The following NBAS variants were observed in gnomAD, a reference collection of about 807,000 sequenced individuals.
The protein encoded by NBAS is NBAS subunit of NRZ tethering complex.
NBAS carries 219 observed loss-of-function variants against 302.5 expected under a neutral mutation model. That is an observed-to-expected ratio of 0.72 (90% CI 0.65 to 0.81). NBAS has a LOEUF of 0.81. Ranked by LOEUF, NBAS falls within the 30% of genes least tolerant of loss-of-function variation. The pLI is 0.00. For synonymous variants in NBAS, 1,118 were observed against 1,021.6 expected, an observed-to-expected ratio of 1.09 and a Z score of -1.80; for missense variants, 2,932 against 2,841.6, an observed-to-expected ratio of 1.03 and a Z score of -0.72.
At position 15,179,001 on chromosome 2, in the gene NBAS, G is replaced by A. The variant is rs144615326; in HGVS notation, c.6827C>T (p.Thr2276Met). The A allele has an allele frequency of 3.5e-5, 57 of 1,613,926 alleles. No individual in the cohort carries two copies. In the East Asian group the frequency reaches 3.6e-4, roughly 10 times the overall value. ...AACTGGGCATACCGTAGTGACTGCC[G>A]TGATTTGCTCCAGTGCCATCTCGTG... ...HLHEMALEQI[T>M]AVTTVNDSNC... The change falls in exon 51 of 52, where the codon ACG becomes ATG. Residue 2276 changes from threonine to methionine, a missense_variant. By Grantham distance (81) the Thr-to-Met change is moderately conservative. Coordinates refer to ENST00000281513, the MANE Select transcript of NBAS (RefSeq NM_015909.4).
At chr2:14,802,754 T>C in the NBAS span, among the ~76,000 whole-genome samples, 2 of 146,250 alleles carry the variant, frequency 1.4e-5, no homozygotes, top group African/African-American at 2.6e-5. Context: ...ATGGATGAAA[T>C]TGGAAATCAT....
chr2:14,984,993 CAGGAT>C, the NBAS span, among the ~76,000 whole-genome samples: 1 of 152,048 alleles, frequency 6.6e-6, no homozygotes, highest in South Asian at 2.1e-4. Context: ...TTTTGGAACT[CAGGAT>C]GGCGGCCCAA....
the NBAS span, among the ~76,000 whole-genome samples, chr2:15,045,249 C>G: frequency 6.6e-6 from 1 of 152,196 alleles, no homozygotes; most frequent in East Asian, 1.9e-4. Flanking sequence ...AACAGGGCGA[C>G]AGTGAAGAGA....
the NBAS span, among the ~76,000 whole-genome samples, chr2:15,151,856 TA>T: frequency 6.6e-5 from 10 of 152,204 alleles, no homozygotes; most frequent in African/African-American, 2.2e-4. Flanking sequence ...TTTTATTTTT[TA>T]TTTTTTTTGA....
At chr2:15,159,777 TA>T in the NBAS span, among the ~76,000 whole-genome samples, 1 of 144,518 alleles carries the variant, frequency 6.9e-6, no homozygotes, top group Non-Finnish European at 1.5e-5. Context: ...ATGCATTTTT[TA>T]CCAGTCATAC....
At chr2:15,362,509 A>G (rs1282099703) in intron 32 of NBAS, among the ~76,000 whole-genome samples, 1 of 152,114 alleles carries the variant, frequency 6.6e-6, no homozygotes, top group Non-Finnish European at 1.5e-5. Flanking sequence ...GTCTGTCTCT[A>G]AATAAATAAA....
the NBAS span, among the ~76,000 whole-genome samples, chr2:15,087,452 T>G: frequency 6.6e-6 from 1 of 152,222 alleles, no homozygotes; most frequent in Non-Finnish European, 1.5e-5. Flanking sequence ...TGGTCTGTCC[T>G]TCATCCCTAA....
At position 15,167,263 on chromosome 2, in the gene NBAS, C is replaced by T. The variant is rs1664070387; in HGVS notation, c.6901G>A (p.Val2301Met). ...LSLLLDAKLLVKCVSTPFYPR... is the reference protein window; with the variant it reads ...LSLLLDAKLLMKCVSTPFYPR... ...TAGAAGGGAGTGGAGACACACTTCA[C>T]CAGCAGCTTGGCATCCAGGAGCAGG... Residue 2301 changes from valine to methionine, a missense_variant, in exon 52 of 52, where the codon GTG becomes ATG. Val to Met is a conservative substitution (Grantham distance 21, BLOSUM62 1). Coordinates refer to ENST00000281513, the MANE Select transcript of NBAS (RefSeq NM_015909.4). 3.7e-6 allele frequency: 6 copies of T among 1,614,232 alleles called. No individual in the cohort carries two copies. The East Asian group carries it at 1.3e-4, about 36-fold the overall frequency.
chr2:15,328,235 A>G lies in NBAS; in HGVS notation c.4425T>C (p.Phe1475=), dbSNP rs753607358. ...AAGGATTTGAGATGACAGATTCATA[A>G]AAAGGATGACACCCTTGTTTCTCTA... ...EDLEKQGCHP[F]YESVISNPFV... is the part of the protein sequence containing the mutation. The change falls in exon 37 of 52, where the codon TTT becomes TTC. Residue 1475 remains phenylalanine, a synonymous_variant. Transcript: ENST00000281513. 2.5e-6 allele frequency: 4 copies of G among 1,613,952 alleles called. No individual in the cohort carries two copies. In the South Asian group the frequency reaches 3.3e-5, roughly 13 times the overall value.
the NBAS span, among the ~76,000 whole-genome samples, chr2:15,010,606 C>G: frequency 2.0e-5 from 3 of 152,116 alleles, no homozygotes; most frequent in Admixed American, 1.3e-4. Context: ...TTTCACACAG[C>G]CCAATTTCCC....
chr2:15,169,153 A>C (rs1361507672), intron 51 of NBAS, among the ~76,000 whole-genome samples: 1 of 152,190 alleles, frequency 6.6e-6, no homozygotes, highest in Admixed American at 6.5e-5. Flanking sequence ...TCCAGAACAG[A>C]AGACCCTCTC....
the NBAS span, among the ~76,000 whole-genome samples, chr2:15,073,205 G>A: frequency 2.0e-5 from 3 of 152,106 alleles, no homozygotes; most frequent in Non-Finnish European, 2.9e-5. Context: ...AAGGATGGGC[G>A]TGGTGGCTCA....
intron 38 of NBAS, among the ~76,000 whole-genome samples, chr2:15,315,454 T>C (rs538767618): frequency 2.0e-5 from 3 of 152,258 alleles, no homozygotes; most frequent in Admixed American, 6.5e-5. Flanking sequence ...GGAAGAAAAA[T>C]GAAAGAAATC....
At chr2:14,895,937 A>G in the NBAS span, among the ~76,000 whole-genome samples, 4 of 151,998 alleles carry the variant, frequency 2.6e-5, no homozygotes, top group African/African-American at 9.7e-5. Flanking sequence ...TAGAAGCCCA[A>G]ACCTCACCAT....
At chr2:15,247,965 T>C (rs2147976025) in intron 44 of NBAS, among the ~76,000 whole-genome samples, 1 of 152,282 alleles carries the variant, frequency 6.6e-6, no homozygotes, top group Admixed American at 6.5e-5. Flanking sequence ...AATAGACATC[T>C]ACAAAACTCT....
chr2:15,472,082 G>A (rs909976383), intron 16 of NBAS, among the ~76,000 whole-genome samples: 2 of 152,194 alleles, frequency 1.3e-5, no homozygotes, highest in Admixed American at 6.5e-5. Context: ...TTTCATATAT[G>A]TTACCTATTT....
chr2:14,786,154 G>T, the NBAS span, among the ~76,000 whole-genome samples: 9 of 152,240 alleles, frequency 5.9e-5, no homozygotes, highest in African/African-American at 1.9e-4. Context: ...ATTTCTGTGG[G>T]ATTGGTGGTG....
chr2:14,946,942 G>A, the NBAS span, among the ~76,000 whole-genome samples: 1 of 152,080 alleles, frequency 6.6e-6, no homozygotes. Flanking sequence ...TTACAAATTA[G>A]AAGAAAATTT....
intron 45 of NBAS, among the ~76,000 whole-genome samples, chr2:15,235,670 G>A (rs570141208): frequency 7.9e-5 from 12 of 152,250 alleles, no homozygotes; most frequent in African/African-American, 2.6e-4. Flanking sequence ...AGATAGGGAG[G>A]TATTTATGAA....
Sources: allele counts gnomAD v4.1 joint callset (sites outside exome capture counted in the v4.1 genomes callset), GRCh38; gene constraint gnomAD v4.1.1; transcripts MANE v1.5; gene names NCBI Gene and HGNC (gene_info 2026-07-23, HGNC 2026-07-21).